The following CWH43 variants were observed in gnomAD, a reference collection of about 807,000 sequenced individuals.
The protein encoded by CWH43 is cell wall biogenesis 43 C-terminal homolog.
In CWH43, 91 loss-of-function variants were observed where a neutral mutation model predicts 85.7. That is an observed-to-expected ratio of 1.06 (90% confidence interval 0.90 to 1.26). The LOEUF (loss-of-function observed/expected upper bound fraction) is 1.26. Ranked by LOEUF, CWH43 falls within the 50% of genes most tolerant of loss-of-function variation. The pLI, the probability that CWH43 is intolerant of heterozygous loss-of-function variation, is 0.00. For missense variants in CWH43, 869 were observed against 839.2 expected, an observed-to-expected ratio of 1.04 and a Z score of -0.44; for synonymous variants, 323 against 293.6, an observed-to-expected ratio of 1.10 and a Z score of -1.02.
At chr4:49,031,607 G>C (rs1784101523) in intron 11 of CWH43, among the ~76,000 whole-genome samples, 1 of 152,176 alleles carries the variant, frequency 6.6e-6, no homozygotes, top group East Asian at 1.9e-4. Flanking sequence ...GAAGCCACTG[G>C]AGGATTTTAA....
At chr4:49,017,980 G>A (rs550236672) in intron 9 of CWH43, among the ~76,000 whole-genome samples, 30 of 151,894 alleles carry the variant, frequency 2.0e-4, no homozygotes, top group Non-Finnish European at 4.1e-4. Context: ...GACTATAGGC[G>A]GTGTGCCACC....
chr4:49,061,491 A>G (rs1785155660), intron 15 of CWH43, among the ~76,000 whole-genome samples: 1 of 152,238 alleles, frequency 6.6e-6, no homozygotes, highest in Non-Finnish European at 1.5e-5. Context: ...CATAAATGTA[A>G]CATGAATAGC....
Position 49,032,582 on chromosome 4 carries a change from A to G in CWH43, c.1525A>G (p.Arg509Gly). Residue 509 changes from arginine to glycine, a missense_variant, in exon 12 of 16, where the codon AGA (arginine) becomes GGA (glycine). By Grantham distance (125) the Arg-to-Gly change is moderately radical. Coordinates refer to ENST00000226432, the MANE Select transcript of CWH43 (RefSeq NM_025087.3). The part of the protein sequence containing the change: ...YHTWGIMALS[R>G]YPIVKSEHHL... ...CCAATACAGGATTATGGCTTTGTCA[A>G]GATACCCAATTGTGAAATCTGAGCA... 6.2e-7 allele frequency: 1 copy of G among 1,614,016 alleles called. No individual in the cohort carries two copies. The highest frequency in any genetic ancestry group is 8.5e-7 in the Non-Finnish European group (1 of 1,179,918).
At chr4:49,028,248 T>A (rs1228706506) in intron 9 of CWH43, among the ~76,000 whole-genome samples, 8 of 152,246 alleles carry the variant, frequency 5.3e-5, no homozygotes, top group Non-Finnish European at 1.0e-4. Flanking sequence ...TTCCTCCTTG[T>A]GGACCTATGT....
At chr4:49,014,365 G>A (rs577308430) in intron 8 of CWH43, among the ~76,000 whole-genome samples, 2 of 151,480 alleles carry the variant, frequency 1.3e-5, no homozygotes, top group Non-Finnish European at 2.9e-5. Flanking sequence ...GAGGGCGAGG[G>A]TGAAGTGGGA....
intron 13 of CWH43, among the ~76,000 whole-genome samples, chr4:49,041,888 A>G (rs1052515050): frequency 6.6e-6 from 1 of 152,202 alleles, no homozygotes; most frequent in African/African-American, 2.4e-5. Context: ...ACTGGCAGAA[A>G]TTTAGTCTAA....
intron 15 of CWH43, among the ~76,000 whole-genome samples, chr4:49,056,473 G>A (rs1215119755): frequency 1.3e-5 from 2 of 152,002 alleles, no homozygotes; most frequent in African/African-American, 4.8e-5. Flanking sequence ...GCTCATAGTA[G>A]TCACTTATGA....
intron 13 of CWH43, among the ~76,000 whole-genome samples, chr4:49,042,856 C>T (rs1009524625): frequency 6.6e-6 from 1 of 152,170 alleles, no homozygotes; most frequent in Admixed American, 6.5e-5. Flanking sequence ...AACAAACCAC[C>T]TCAAAACGTA....
At chr4:49,017,374 ATGTGCATATATT>A (rs1365828769) in intron 9 of CWH43, 46 bp downstream of exon 9, 2 of 1,303,648 alleles carry the variant, frequency 1.5e-6, no homozygotes, top group African/African-American at 3.0e-5. Context: ...TGGTATATAT[ATGTGCATATATT>A]TGTACAATTT....
Position 48,986,386 on chromosome 4 carries a change from G to C in CWH43, c.-44G>C, listed in dbSNP as rs370316803. ...GGCGCAGGGCTAGGGCAGCGGGCCC[G>C]ACCCGCACGGCTTTCCTGGAAAGCG... On this transcript the variant is annotated 5_prime_UTR_variant, in exon 1 of 16. Transcript: ENST00000226432. 1 of 1,541,906 alleles carries C rather than the reference G, an allele frequency of 6.5e-7. No homozygotes were observed. The highest frequency in any genetic ancestry group is 8.8e-7 in the Non-Finnish European group (1 of 1,141,838).
intron 9 of CWH43, among the ~76,000 whole-genome samples, chr4:49,019,233 A>G (rs1302506560): frequency 6.6e-6 from 1 of 152,198 alleles, no homozygotes; most frequent in Non-Finnish European, 1.5e-5. Flanking sequence ...AGCTGCCATG[A>G]AGGAAACAGG....
rs139100672 is a variant in CWH43, at chr4:49,044,879, C to G, written c.1865+32C>G. 5.1e-6 allele frequency: 8 copies of G among 1,566,104 alleles called. No individual in the cohort carries two copies. In the South Asian group the frequency reaches 5.6e-5, roughly 11 times the overall value. The stretch of plus-strand genomic sequence containing the variant: ...ACAGGGGTTTGATTTTGTTTTTAAT[C>G]TATTATTAATGTGATCTTTTGGGTC... On this transcript the variant is annotated intron_variant, in intron 14 of 15. Coordinates refer to ENST00000226432, the MANE Select transcript of CWH43 (RefSeq NM_025087.3).
At chr4:49,009,585 C>A (rs942427876) in intron 8 of CWH43, among the ~76,000 whole-genome samples, 25 of 152,118 alleles carry the variant, frequency 1.6e-4, no homozygotes, top group African/African-American at 5.3e-4. Flanking sequence ...CAGTTTTTGC[C>A]CATTCGGTAT....
intron 5 of CWH43, among the ~76,000 whole-genome samples, chr4:48,997,711 C>T (rs148271117): frequency 3.3e-5 from 5 of 152,250 alleles, no homozygotes; most frequent in African/African-American, 9.6e-5. Flanking sequence ...TACTTACATA[C>T]CCTTTCCCCC....
intron 11 of CWH43, among the ~76,000 whole-genome samples, chr4:49,032,327 C>T (rs762137177): frequency 2.0e-5 from 3 of 152,096 alleles, no homozygotes; most frequent in Admixed American, 2.0e-4. Context: ...TTTCATGTGT[C>T]CATAGCACTT....
At chr4:49,007,380 T>C in intron 8 of CWH43, 54 bp downstream of exon 8, 4 of 1,451,194 alleles carry the variant, frequency 2.8e-6, no homozygotes, top group Non-Finnish European at 3.6e-6. Context: ...ATTCTAAACG[T>C]ATGAAATTAA....
At chr4:49,048,411 A>G (rs1477274496) in intron 14 of CWH43, among the ~76,000 whole-genome samples, 2 of 151,198 alleles carry the variant, frequency 1.3e-5, no homozygotes, top group Non-Finnish European at 2.9e-5. Flanking sequence ...TATATAAAAT[A>G]TGATATCATA....
At chr4:49,039,481 G>A (rs1223717809) in intron 13 of CWH43, among the ~76,000 whole-genome samples, 2 of 144,842 alleles carry the variant, frequency 1.4e-5, no homozygotes, top group East Asian at 4.0e-4. Context: ...TTTAGAATGA[G>A]AAATATGATT....
intron 12 of CWH43, among the ~76,000 whole-genome samples, chr4:49,035,129 CAT>C (rs1784227387): frequency 6.6e-6 from 1 of 152,098 alleles, no homozygotes; most frequent in Non-Finnish European, 1.5e-5. Flanking sequence ...GTGATCACGA[CAT>C]GTTTTATTTG....
Sources: gnomAD v4.1 joint callset for allele counts (sites outside exome capture counted in the v4.1 genomes callset) on GRCh38, gnomAD v4.1.1 for gene constraint, MANE v1.5 for transcripts, NCBI Gene and HGNC (gene_info 2026-07-23, HGNC 2026-07-21) for gene names.